CXCL13: variants seen among roughly 807,000 people sequenced by gnomAD.
CXCL13 encodes C-X-C motif chemokine 13.
In CXCL13, 7 loss-of-function variants were observed where a neutral mutation model predicts 12.2. The observed-to-expected ratio is 0.57, with a 90% CI of 0.33 to 1.07. The LOEUF (loss-of-function observed/expected upper bound fraction) is 1.07, where lower values mean the gene tolerates loss of function less well. Ranked by LOEUF, CXCL13 falls within the 50% of genes least tolerant of loss-of-function variation. The pLI is 0.04. For synonymous variants in CXCL13, 47 were observed against 42.4 expected, an observed-to-expected ratio of 1.11 and a Z score of -0.42; for missense variants, 113 against 127.4, an observed-to-expected ratio of 0.89 and a Z score of 0.55.
At chr4:77,586,239 G>A (rs763893332) in intron 1 of CXCL13, among the ~76,000 whole-genome samples, 2 of 151,692 alleles carry the variant, frequency 1.3e-5, no homozygotes, top group African/African-American at 2.4e-5. Context: ...TAAGAGGCCT[G>A]GACCAATGCC....
At chr4:77,516,026 G>T (rs1334493031) in intron 1 of CXCL13, among the ~76,000 whole-genome samples, 1 of 152,174 alleles carries the variant, frequency 6.6e-6, no homozygotes, top group Non-Finnish European at 1.5e-5. Context: ...AAGTGCTGTT[G>T]AATTTTGTCA....
chr4:77,532,660 CT>C (rs1300005769), intron 1 of CXCL13, among the ~76,000 whole-genome samples: 1 of 152,222 alleles, frequency 6.6e-6, no homozygotes, highest in Non-Finnish European at 1.5e-5. Context: ...TGGTTCCATT[CT>C]CCCCGTCACT....
intron 1 of CXCL13, among the ~76,000 whole-genome samples, chr4:77,578,521 T>C (rs1045385370): frequency 6.6e-6 from 1 of 152,128 alleles, no homozygotes; most frequent in Admixed American, 6.5e-5. Flanking sequence ...ACCTGTGCAC[T>C]GGGAGAATGG....
At chr4:77,541,784 T>C (rs558834705) in intron 1 of CXCL13, among the ~76,000 whole-genome samples, 1 of 152,344 alleles carries the variant, frequency 6.6e-6, no homozygotes, top group Admixed American at 6.5e-5. Context: ...TGAATACCAT[T>C]GAATCTGTAC....
chr4:77,553,601 G>T (rs760331619), intron 1 of CXCL13, among the ~76,000 whole-genome samples: 35 of 152,150 alleles, frequency 2.3e-4, no homozygotes, highest in Non-Finnish European at 4.0e-4. Context: ...CTTGTGTACT[G>T]GTGCTTCACT....
intron 1 of CXCL13, among the ~76,000 whole-genome samples, chr4:77,549,500 T>C (rs1347091707): frequency 6.6e-6 from 1 of 152,238 alleles, no homozygotes; most frequent in Non-Finnish European, 1.5e-5. Context: ...TTGATGATGG[T>C]GACCTACAGA....
Position 77,611,660 on chromosome 4 carries a change from G to A in CXCL13, c.*621G>A. ...AATACTCAGGGAAAGCATTTAAAGGGTGATGTACACATGTATCCTTTCACA... is the reference window on the plus strand; with the variant it reads ...AATACTCAGGGAAAGCATTTAAAGGATGATGTACACATGTATCCTTTCACA... On this transcript the variant is annotated 3_prime_UTR_variant, in exon 4 of 4. Coordinates refer to ENST00000682537, the MANE Select transcript of CXCL13 (RefSeq NM_001371558.1). The A allele has an allele frequency of 2.5e-6, 1 of 397,076 alleles. No homozygotes were observed. Among genetic ancestry groups the A allele is most frequent in the Non-Finnish European group, 4.4e-6 (1 of 225,308 alleles). The allele number at this position is 397,076 out of a possible 1,614,324, so 24.6% of individuals were successfully genotyped here.
intron 1 of CXCL13, among the ~76,000 whole-genome samples, chr4:77,566,886 G>A (rs574927198): frequency 6.6e-6 from 1 of 152,276 alleles, no homozygotes; most frequent in East Asian, 1.9e-4. Flanking sequence ...AATTTTGGGT[G>A]TCGGGCCTCT....
In CXCL13 at chr4:77,568,588, T is replaced by C. The variant is rs896768150; in HGVS notation, c.-42-37236T>C. ...TTCTATTGACCCTAGGATGCGAGAG[T>C]CATGTTGTTCTGTGGCCCCAGTTGT... On this transcript the variant is annotated intron_variant, in intron 1 of 4. Coordinates refer to the CXCL13 transcript ENST00000286758. Among the ~76,000 whole-genome samples the C allele has an allele frequency of 2.6e-5, 4 of 152,022 alleles. No individual in the cohort carries two copies. The South Asian group carries it at 8.3e-4, about 32-fold the overall frequency.
chr4:77,537,310 T>A (rs991497351), intron 1 of CXCL13, among the ~76,000 whole-genome samples: 13 of 152,150 alleles, frequency 8.5e-5, no homozygotes, highest in African/African-American at 3.1e-4. Flanking sequence ...AGGAGCTGTG[T>A]GTGGCATTAG....
chr4:77,591,550 C>CAAAAAAAAAA (rs780283463), intron 1 of CXCL13, among the ~76,000 whole-genome samples: 1 of 48,616 alleles, frequency 2.1e-5, no homozygotes, highest in African/African-American at 6.9e-5. Context: ...GACTCCATCT[C>CAAAAAAAAAA]AAAAAAAAAA....
chr4:77,561,717 G>T (rs1024749225), intron 1 of CXCL13, among the ~76,000 whole-genome samples: 2 of 152,218 alleles, frequency 1.3e-5, no homozygotes, highest in Non-Finnish European at 2.9e-5. Context: ...GAGAGGTGAT[G>T]GTGTGCTGGC....
At chr4:77,534,263 G>A (rs1457317837) in intron 1 of CXCL13, among the ~76,000 whole-genome samples, 3 of 151,540 alleles carry the variant, frequency 2.0e-5, no homozygotes, top group African/African-American at 7.3e-5. Flanking sequence ...CATCCCACAT[G>A]AACACTATGT....
At chr4:77,523,761 G>T (rs1352646400) in intron 1 of CXCL13, among the ~76,000 whole-genome samples, 2 of 152,132 alleles carry the variant, frequency 1.3e-5, no homozygotes. Flanking sequence ...TGCTGGCAAG[G>T]ACCTGCAAAC....
intron 1 of CXCL13, among the ~76,000 whole-genome samples, chr4:77,594,918 A>G (rs1450120144): frequency 6.6e-6 from 1 of 152,210 alleles, no homozygotes; most frequent in Non-Finnish European, 1.5e-5. Context: ...TTAAAATAAA[A>G]TTTTAAAAAA....
intron 3 of CXCL13, 101 bp downstream of exon 3, chr4:77,610,795 T>C: frequency 1.0e-6 from 1 of 983,424 alleles, no homozygotes; most frequent in African/African-American, 1.6e-5. Context: ...TTATGAGAAG[T>C]TCCTAAGACA....
chr4:77,592,440 G>T (rs1726637028), intron 1 of CXCL13, among the ~76,000 whole-genome samples: 1 of 152,142 alleles, frequency 6.6e-6, no homozygotes, highest in African/African-American at 2.4e-5. Context: ...GGGGAATGGG[G>T]AGATATTGGT....
chr4:77,574,427 T>A (rs183043121), intron 1 of CXCL13, among the ~76,000 whole-genome samples: 1 of 152,036 alleles, frequency 6.6e-6, no homozygotes. Flanking sequence ...TACCTCACCT[T>A]TTTGACTTTT....
chr4:77,595,624 C>T (rs1465725373), intron 1 of CXCL13, among the ~76,000 whole-genome samples: 1 of 152,166 alleles, frequency 6.6e-6, no homozygotes, highest in African/African-American at 2.4e-5. Context: ...TGTTAATACT[C>T]CACGTATATA....
Sources: allele counts gnomAD v4.1 joint callset (sites outside exome capture counted in the v4.1 genomes callset), GRCh38; gene constraint gnomAD v4.1.1; transcripts MANE v1.5; gene names NCBI Gene and HGNC (gene_info 2026-07-23, HGNC 2026-07-21).